Variants in SNTG1 observed in about 807,000 individuals in gnomAD.
The protein encoded by SNTG1 is syntrophin gamma 1.
SNTG1 carries 39 observed loss-of-function variants against 74.7 expected under a neutral mutation model. The observed-to-expected ratio is 0.52, with a 90% CI of 0.40 to 0.68. The LOEUF is 0.68. Among genes scored for constraint, SNTG1 ranks in the 30% least tolerant of loss-of-function variants. SNTG1 has a pLI of 0.00. For missense variants in SNTG1, 685 were observed against 609.5 expected (o/e 1.12, Z -1.30); for synonymous variants, 254 against 217.1 (o/e 1.17, Z -1.49).
intron 3 of SNTG1, among the ~76,000 whole-genome samples, chr8:50,398,605 A>G (rs907400802): frequency 4.6e-5 from 7 of 152,114 alleles, no homozygotes; most frequent in African/African-American, 1.7e-4. Context: ...CAGATGTCAT[A>G]TTGTGTTTTA....
chr8:49,946,087 A>T (rs1452782168), intron 1 of SNTG1, among the ~76,000 whole-genome samples: 1 of 152,168 alleles, frequency 6.6e-6, no homozygotes, highest in Non-Finnish European at 1.5e-5. Context: ...CTAGTCCAGC[A>T]TCTCTATCTA....
At chr8:50,002,687 G>A (rs1302156891) in intron 1 of SNTG1, among the ~76,000 whole-genome samples, 2 of 152,184 alleles carry the variant, frequency 1.3e-5, no homozygotes, top group East Asian at 3.9e-4. Context: ...TGATATGAAT[G>A]TTGCATAATA....
intron 1 of SNTG1, among the ~76,000 whole-genome samples, chr8:49,927,864 T>C (rs192888229): frequency 6.6e-6 from 1 of 152,104 alleles, no homozygotes; most frequent in African/African-American, 2.4e-5. Context: ...AAGCCTGTAA[T>C]CCCAGCACTT....
chr8:50,146,389 A>G (rs542367474), intron 1 of SNTG1, among the ~76,000 whole-genome samples: 66 of 152,204 alleles, frequency 4.3e-4, no homozygotes, highest in Non-Finnish European at 6.5e-4. Flanking sequence ...GTGGTGGCGC[A>G]TGCCTTTAAT....
intron 1 of SNTG1, among the ~76,000 whole-genome samples, chr8:50,166,486 G>T (rs2082618248): frequency 1.1e-4 from 1 of 8,814 alleles, no homozygotes; most frequent in Admixed American, 1.0e-3. Context: ...CTTCTCAAAA[G>T]AAGACATTTA....
intron 2 of SNTG1, among the ~76,000 whole-genome samples, chr8:50,188,207 C>A (rs1165046677): frequency 6.6e-6 from 1 of 152,162 alleles, no homozygotes; most frequent in Non-Finnish European, 1.5e-5. Context: ...CATGCTCCTT[C>A]CCTAGACTTC....
intron 1 of SNTG1, among the ~76,000 whole-genome samples, chr8:50,167,622 C>T (rs1191499957): frequency 6.6e-6 from 1 of 150,390 alleles, no homozygotes; most frequent in Non-Finnish European, 1.5e-5. Context: ...CAGAACAAAA[C>T]CTCATCGCTA....
intron 2 of SNTG1, among the ~76,000 whole-genome samples, chr8:50,287,620 A>G (rs893319514): frequency 3.3e-5 from 5 of 152,076 alleles, no homozygotes; most frequent in Non-Finnish European, 7.4e-5. Flanking sequence ...TGCTTCAGTC[A>G]TAGTTTAGGA....
At chr8:50,590,966 T>A in intron 13 of SNTG1, 49 bp downstream of exon 13, 1 of 1,309,998 alleles carries the variant, frequency 7.6e-7, no homozygotes, top group Non-Finnish European at 1.0e-6. Context: ...TTCTTTAATT[T>A]TATTGATTAT....
At chr8:50,439,977 T>C (rs2093343555) in intron 5 of SNTG1, among the ~76,000 whole-genome samples, 1 of 151,682 alleles carries the variant, frequency 6.6e-6, no homozygotes, top group Non-Finnish European at 1.5e-5. Flanking sequence ...AATGCAATGC[T>C]ATCTATTTTT....
chr8:50,021,628 C>A (rs890569014), intron 1 of SNTG1, among the ~76,000 whole-genome samples: 9 of 152,068 alleles, frequency 5.9e-5, no homozygotes, highest in Non-Finnish European at 1.3e-4. Flanking sequence ...TAACCCTTAT[C>A]AAGCATCTTC....
intron 18 of SNTG1, among the ~76,000 whole-genome samples, chr8:50,772,929 T>C (rs1310286956): frequency 2.0e-5 from 3 of 152,138 alleles, no homozygotes; most frequent in Non-Finnish European, 4.4e-5. Context: ...TCTTTGGACA[T>C]GCCCACTCCA....
chr8:50,426,325 A>G (rs1394331501), intron 4 of SNTG1, among the ~76,000 whole-genome samples: 1 of 152,182 alleles, frequency 6.6e-6, no homozygotes, highest in Non-Finnish European at 1.5e-5. Flanking sequence ...GGCCACATAT[A>G]TTACAGCGTA....
At position 50,333,594 on chromosome 8, in the gene SNTG1, CA is replaced by C. The variant is rs1170877401; in HGVS notation, c.-27-60614del. Among the ~76,000 whole-genome samples, 5 of 152,306 alleles carry C rather than the reference CA, an allele frequency of 3.3e-5. No homozygotes were observed. The East Asian group carries it at 7.7e-4, about 23-fold the overall frequency. ...TGGAAACAGCATTACCTAGCAGTAG[CA>C]AAACATTTCTTATGGAAGAGGAACA... On this transcript the variant is annotated intron_variant, in intron 2 of 18. Transcript: ENST00000642720.
In SNTG1 at chr8:50,563,050, A is replaced by C. The variant is rs555348003; in HGVS notation, c.810+9871A>C. On this transcript the variant is annotated intron_variant, in intron 12 of 18. Transcript: ENST00000642720. ...CACAGGAAACCAGGAGGGAGAAGCC[A>C]CACAAGACGAGAATAAGGAACTGCT... Among the ~76,000 whole-genome samples the C allele has an allele frequency of 5.9e-5, 9 of 152,278 alleles. No individual in the cohort carries two copies. The South Asian group carries it at 1.9e-3, about 32-fold the overall frequency.
At chr8:50,686,564 T>C (rs1396376) in intron 15 of SNTG1, among the ~76,000 whole-genome samples, 142,824 of 152,002 alleles carry the variant, frequency 0.94, 67,144 homozygotes, top group East Asian at 1. Flanking sequence ...AATTAATTTG[T>C]ATATATGAAT....
At chr8:50,476,286 C>T (rs1484682246) in intron 8 of SNTG1, among the ~76,000 whole-genome samples, 3 of 152,052 alleles carry the variant, frequency 2.0e-5, no homozygotes, top group Non-Finnish European at 4.4e-5. Context: ...TACATATGTA[C>T]AGGAAAAACA....
chr8:50,064,261 C>T (rs1313852565), intron 1 of SNTG1, among the ~76,000 whole-genome samples: 1 of 152,138 alleles, frequency 6.6e-6, no homozygotes, highest in Non-Finnish European at 1.5e-5. Flanking sequence ...AGTTTTGCCT[C>T]ATCTTTGGAA....
At chr8:50,016,274 T>C (rs1242326971) in intron 1 of SNTG1, among the ~76,000 whole-genome samples, 5 of 152,082 alleles carry the variant, frequency 3.3e-5, no homozygotes, top group Non-Finnish European at 4.4e-5. Flanking sequence ...GAGAAATGGT[T>C]TGTTGTTGTT....
Sources: gnomAD v4.1 joint callset for allele counts (sites outside exome capture counted in the v4.1 genomes callset) on GRCh38, gnomAD v4.1.1 for gene constraint, MANE v1.5 for transcripts, NCBI Gene and HGNC (gene_info 2026-07-23, HGNC 2026-07-21) for gene names.